NDST4: variants seen among roughly 807,000 people sequenced by gnomAD.
NDST4 encodes the protein N-deacetylase and N-sulfotransferase 4.
NDST4 carries 63 observed loss-of-function variants against 100.8 expected under a neutral mutation model. The observed-to-expected ratio is 0.62, with a 90% CI of 0.51 to 0.77. The LOEUF (loss-of-function observed/expected upper bound fraction) is 0.77, where lower values mean the gene tolerates loss of function less well. Among genes scored for constraint, NDST4 ranks in the 30% least tolerant of loss-of-function variants. NDST4 has a pLI of 0.00. For synonymous variants in NDST4, 377 were observed against 361.8 expected (o/e 1.04, Z -0.48); for missense variants, 943 against 1,018.4 (o/e 0.93, Z 1.01).
intron 1 of NDST4, among the ~76,000 whole-genome samples, chr4:115,105,479 T>C (rs2110345274): frequency 6.6e-6 from 1 of 152,266 alleles, no homozygotes; most frequent in African/African-American, 2.4e-5. Context: ...TTCCACTGTG[T>C]AATTTTACCC....
rs1265009018 is a variant in NDST4, at chr4:114,870,810, C to A, written c.1677G>T (p.Gln559His). Reference protein sequence around the residue: ...QTLPPVQLAHQYFELFPEQKD... With the variant: ...QTLPPVQLAHHYFELFPEQKD... ...TCTGCTCAGGGAAGAGCTCAAAATA[C>A]TGGTGGGCCAGTTGCACTGGAGGCA... The change falls in exon 7 of 14, where the codon CAG (glutamine) becomes CAT (histidine). Residue 559 changes from glutamine (Q) to histidine (H), a missense_variant. Physicochemically the swap from Gln to His is conservative, Grantham distance 24. Transcript: ENST00000264363. 6.2e-7 allele frequency: 1 copy of A among 1,612,764 alleles called. No homozygotes were observed. Among genetic ancestry groups the A allele is most frequent in the East Asian group, 2.2e-5 (1 of 44,860 alleles).
At chr4:114,951,935 T>C (rs1254962065) in intron 4 of NDST4, among the ~76,000 whole-genome samples, 2 of 152,288 alleles carry the variant, frequency 1.3e-5, no homozygotes, top group Non-Finnish European at 2.9e-5. Flanking sequence ...ATAATAGTTG[T>C]AGAAAATACT....
chr4:115,041,736 G>A (rs1728355974), intron 2 of NDST4, among the ~76,000 whole-genome samples: 1 of 147,250 alleles, frequency 6.8e-6, no homozygotes, highest in African/African-American at 2.7e-5. Flanking sequence ...ATTTCTTCCT[G>A]ACACATCACA....
chr4:114,969,803 C>A (rs279527), intron 4 of NDST4, among the ~76,000 whole-genome samples: 151,827 of 152,330 alleles, frequency 1, 75,663 homozygotes, highest in Middle Eastern at 1. Flanking sequence ...ATGGTAGAAG[C>A]ATTTATACTT....
chr4:115,033,734 G>A (rs1252387252), intron 2 of NDST4, among the ~76,000 whole-genome samples: 2 of 151,956 alleles, frequency 1.3e-5, no homozygotes, highest in Non-Finnish European at 2.9e-5. Flanking sequence ...CAGGTTGGTT[G>A]TTCAGTCTTT....
chr4:115,076,961 T>C lies in NDST4; in HGVS notation c.76A>G (p.Ile26Val), dbSNP rs375207689. 4 of 1,613,526 alleles carry C rather than the reference T, an allele frequency of 2.5e-6. No individual in the cohort carries two copies. Among genetic ancestry groups the C allele is most frequent in the Non-Finnish European group, 3.4e-6 (4 of 1,179,716 alleles). ...TAGAGAAAATAGGCAGAAATGACAA[T>C]GCTCACCAAGCAAAAGGTAGCTAAG... ...VLLATFCLVSIVISAYFLYSG... is the reference protein window; with the variant it reads ...VLLATFCLVSVVISAYFLYSG... The change falls in exon 2 of 14, where the codon ATT (isoleucine) becomes GTT (valine). Residue 26 changes from isoleucine to valine, a missense_variant. Ile to Val is a conservative substitution (Grantham distance 29). This residue lies in a region of NDST4 where 417 missense variants were observed against 384.2 expected (regional missense o/e 1.09). Transcript: ENST00000264363.
At chr4:115,006,111 GAAAAAAAGA>G (rs1727411642) in intron 2 of NDST4, among the ~76,000 whole-genome samples, 1 of 146,660 alleles carries the variant, frequency 6.8e-6, no homozygotes. Flanking sequence ...GAAAGAGAAA[GAAAAAAAGA>G]AAAAAAAGAA....
chr4:114,955,216 A>C (rs1726111743), intron 4 of NDST4, among the ~76,000 whole-genome samples: 1 of 152,204 alleles, frequency 6.6e-6, no homozygotes, highest in Non-Finnish European at 1.5e-5. Flanking sequence ...AATTTGTAGG[A>C]AGCTCAGGGG....
intron 2 of NDST4, among the ~76,000 whole-genome samples, chr4:115,053,975 C>G (rs1728640684): frequency 6.6e-6 from 1 of 152,014 alleles, no homozygotes; most frequent in Non-Finnish European, 1.5e-5. Flanking sequence ...ATCTTAATCA[C>G]TTTGGCTCTT....
In NDST4 at chr4:114,847,090, C is replaced by T. The variant is rs577559429; in HGVS notation, c.1941-1093G>A. Among the ~76,000 whole-genome samples, 10 of 148,760 alleles carry T rather than the reference C, an allele frequency of 6.7e-5. No individual in the cohort carries two copies. In the East Asian group the frequency reaches 1.4e-3, roughly 20 times the overall value. On this transcript the variant is annotated intron_variant, in intron 9 of 13. Transcript: ENST00000264363. The stretch of plus-strand genomic sequence containing the variant: ...CTAGCTGTACCTTAAAAAAATGTGT[C>T]TTTCGGCCGGGCGCGGTGGCTCACG...
chr4:114,845,991 C>A lies in NDST4; in HGVS notation c.1947G>T (p.Met649Ile). 6.3e-7 allele frequency: 1 copy of A among 1,592,102 alleles called. No homozygotes were observed. Among genetic ancestry groups the A allele is most frequent in the Non-Finnish European group, 8.6e-7 (1 of 1,163,738 alleles). Residue 649 changes from methionine (M) to isoleucine (I), a missense_variant, in exon 10 of 14, where the codon ATG (methionine) becomes ATT (isoleucine). By Grantham distance (10) the Met-to-Ile change is conservative. This residue lies in a region of NDST4 where 526 missense variants were observed against 634.1 expected (regional missense o/e 0.83). Transcript: ENST00000264363. ...TATTGGATGGTGTAGGGAAAAAGTCCATATACCTGAAGGCAGAGAAAGACA... is the reference window on the plus strand; with the variant it reads ...TATTGGATGGTGTAGGGAAAAAGTCAATATACCTGAAGGCAGAGAAAGACA... ...NNYHKGIDWYMDFFPTPSNTT... is the reference protein window; with the variant it reads ...NNYHKGIDWYIDFFPTPSNTT...
intron 3 of NDST4, among the ~76,000 whole-genome samples, chr4:114,974,244 T>A (rs1308040281): frequency 6.6e-6 from 1 of 151,666 alleles, no homozygotes; most frequent in Non-Finnish European, 1.5e-5. Flanking sequence ...CAATATCAGG[T>A]CTTTTAACTA....
chr4:114,922,364 C>A (rs562977774), intron 6 of NDST4, among the ~76,000 whole-genome samples: 1 of 152,272 alleles, frequency 6.6e-6, no homozygotes, highest in East Asian at 1.9e-4. Context: ...ACACACCATG[C>A]ATGCTCACCT....
intron 6 of NDST4, among the ~76,000 whole-genome samples, chr4:114,912,074 G>A (rs1725074225): frequency 6.6e-6 from 1 of 152,124 alleles, no homozygotes; most frequent in Admixed American, 6.5e-5. Flanking sequence ...ATGTAAAAGG[G>A]AAATTAGTTG....
intron 2 of NDST4, among the ~76,000 whole-genome samples, chr4:115,002,772 T>G (rs1727322558): frequency 6.6e-6 from 1 of 152,132 alleles, no homozygotes. Context: ...TAAAGACACA[T>G]GCACATGTAG....
At chr4:114,830,338 A>G (rs1375285931) in intron 12 of NDST4, among the ~76,000 whole-genome samples, 1 of 152,230 alleles carries the variant, frequency 6.6e-6, no homozygotes, top group African/African-American at 2.4e-5. Flanking sequence ...ATGTAGGTAT[A>G]CTTCTGTGAA....
chr4:114,985,560 CG>C (rs1353429348), intron 2 of NDST4, among the ~76,000 whole-genome samples: 2 of 152,048 alleles, frequency 1.3e-5, no homozygotes, highest in Non-Finnish European at 2.9e-5. Flanking sequence ...AAATAATGCA[CG>C]GAGAGGCTAC....
intron 6 of NDST4, among the ~76,000 whole-genome samples, chr4:114,882,781 A>T (rs1724398544): frequency 6.6e-6 from 1 of 152,050 alleles, no homozygotes; most frequent in South Asian, 2.1e-4. Flanking sequence ...AACATCAAGC[A>T]GGATAAGTAC....
At chr4:114,969,685 A>AT (rs1329858067) in intron 4 of NDST4, among the ~76,000 whole-genome samples, 1 of 152,176 alleles carries the variant, frequency 6.6e-6, no homozygotes, top group Non-Finnish European at 1.5e-5. Context: ...CATGGTGTAT[A>AT]TATGGACCAC....
Sources: gnomAD v4.1 joint callset for allele counts (sites outside exome capture counted in the v4.1 genomes callset) on GRCh38, gnomAD v4.1.1 for gene constraint, gnomAD v4.1.1 regional missense constraint, MANE v1.5 for transcripts, NCBI Gene and HGNC (gene_info 2026-07-23, HGNC 2026-07-21) for gene names.